PHLDB2: variants seen among roughly 807,000 people sequenced by gnomAD.
PHLDB2 encodes the protein pleckstrin homology like domain family B member 2.
PHLDB2 carries 71 observed loss-of-function variants against 123.6 expected under a neutral mutation model. That is an observed-to-expected ratio of 0.57 (90% CI 0.47 to 0.70). The LOEUF is 0.70. Among genes scored for constraint, PHLDB2 ranks in the 30% least tolerant of loss-of-function variants. The pLI, the probability that PHLDB2 is intolerant of heterozygous loss-of-function variation, is 0.00. For synonymous variants in PHLDB2, 547 were observed against 541.6 expected (o/e 1.01, Z -0.14); for missense variants, 1,446 against 1,519.5 (o/e 0.95, Z 0.80).
At position 111,910,711 on chromosome 3, in the gene PHLDB2, A is replaced by G. The variant is rs533891826; in HGVS notation, c.1336-2608A>G. Among the ~76,000 whole-genome samples the G allele has an allele frequency of 3.9e-5, 6 of 152,364 alleles. No individual in the cohort carries two copies. In the East Asian group the frequency reaches 9.6e-4, roughly 24 times the overall value. ...AAGGAAGAAGACTCCAGAGTGCAGA[A>G]GGCTGAAGGGAGAATTATCTTATGA... On this transcript the variant is annotated intron_variant, in intron 2 of 17. Transcript: ENST00000431670.
At chr3:111,798,696 A>G (rs2061262303) in intron 1 of PHLDB2, among the ~76,000 whole-genome samples, 4 of 151,538 alleles carry the variant, frequency 2.6e-5, no homozygotes, top group Admixed American at 2.6e-4. Context: ...ATAAAATAAA[A>G]TAAAATAAAA....
In PHLDB2 at chr3:111,885,032, T is replaced by C. The variant is rs773304892; in HGVS notation, c.955T>C (p.Ser319Pro). ...SGALPYKTSA[S>P]EGNPYVSSTL... ...GGCTTTACCCTATAAAACCTCTGCT[T>C]CTGAAGGCAATCCTTATGTAAGTTC... is the stretch of plus-strand genomic sequence containing the variant. Residue 319 changes from serine (S) to proline (P), a missense_variant, in exon 2 of 18, where the codon TCT becomes CCT. Ser to Pro is a moderately conservative substitution (Grantham distance 74). Around this residue, in one of 3 missense-constraint regions of PHLDB2, gnomAD observed 832 missense variants for 831.9 expected, o/e 1.00. Coordinates refer to ENST00000431670, the MANE Select transcript of PHLDB2 (RefSeq NM_001134438.2). 1 of 1,614,178 alleles carries C rather than the reference T, an allele frequency of 6.2e-7. No individual in the cohort carries two copies. The highest frequency in any genetic ancestry group is 1.1e-5 in the South Asian group (1 of 91,082).
intron 1 of PHLDB2, among the ~76,000 whole-genome samples, chr3:111,835,605 C>G (rs2063359765): frequency 6.6e-6 from 1 of 152,180 alleles, no homozygotes; most frequent in East Asian, 1.9e-4. Context: ...AGTATTTATG[C>G]TGCTCCAACT....
At chr3:111,919,621 C>T (rs2068375734) in intron 4 of PHLDB2, among the ~76,000 whole-genome samples, 1 of 152,200 alleles carries the variant, frequency 6.6e-6, no homozygotes, top group Non-Finnish European at 1.5e-5. Context: ...ATGAAATTCA[C>T]ACACGGATCA....
intron 5 of PHLDB2, among the ~76,000 whole-genome samples, chr3:111,930,498 G>T (rs2069080334): frequency 6.6e-6 from 1 of 152,070 alleles, no homozygotes; most frequent in African/African-American, 2.4e-5. Flanking sequence ...TAGAACTCTT[G>T]GGATAAAATT....
At chr3:111,952,000 G>A (rs894835951) in intron 10 of PHLDB2, among the ~76,000 whole-genome samples, 6 of 152,210 alleles carry the variant, frequency 3.9e-5, no homozygotes, top group Non-Finnish European at 8.8e-5. Flanking sequence ...TTAAATATGA[G>A]AGATTACTGT....
At chr3:111,849,617 T>C (rs1351220844) in intron 2 of PHLDB2, among the ~76,000 whole-genome samples, 1 of 152,264 alleles carries the variant, frequency 6.6e-6, no homozygotes, top group Non-Finnish European at 1.5e-5. Flanking sequence ...TGAATTTTGA[T>C]AATCTTCTTT....
intron 1 of PHLDB2, among the ~76,000 whole-genome samples, chr3:111,808,563 C>T (rs1276248261): frequency 1.3e-5 from 2 of 151,152 alleles, no homozygotes; most frequent in Admixed American, 6.6e-5. Context: ...GGGTATACTG[C>T]GTGGTGCTGG....
chr3:111,749,138 A>G lies in PHLDB2; in HGVS notation c.-49+16435A>G, dbSNP rs547125985. Among the ~76,000 whole-genome samples, 12 of 152,146 alleles carry G rather than the reference A, an allele frequency of 7.9e-5. No individual in the cohort carries two copies. In the East Asian group the frequency reaches 2.1e-3, roughly 27 times the overall value. On this transcript the variant is annotated intron_variant, in intron 1 of 17. Transcript: ENST00000393923. Reference sequence around the variant, plus strand: ...AATAAGAAGAATAAAAATAAAAAATAAAACAGAGAACCATTTTGAGGATAA... The same window carrying G: ...AATAAGAAGAATAAAAATAAAAAATGAAACAGAGAACCATTTTGAGGATAA...
At position 111,910,402 on chromosome 3, in the gene PHLDB2, C is replaced by T. The variant is rs192572798; in HGVS notation, c.1336-2917C>T. Among the ~76,000 whole-genome samples, 99 of 152,252 alleles carry T rather than the reference C, an allele frequency of 6.5e-4. 1 individual carries two copies. In the Middle Eastern group the frequency reaches 0.024, roughly 37 times the overall value. On this transcript the variant is annotated intron_variant, in intron 2 of 17. Coordinates refer to ENST00000431670, the MANE Select transcript of PHLDB2 (RefSeq NM_001134438.2). Reference sequence around the variant, plus strand: ...TACTTGGACTTTTCAAGAGAATGAACACTAGATTCCTAGTTTGGAAAGGTG... The same window carrying T: ...TACTTGGACTTTTCAAGAGAATGAATACTAGATTCCTAGTTTGGAAAGGTG...
intron 1 of PHLDB2, among the ~76,000 whole-genome samples, chr3:111,757,129 G>C (rs756294231): frequency 6.6e-6 from 1 of 152,098 alleles, no homozygotes; most frequent in Non-Finnish European, 1.5e-5. Flanking sequence ...TAAGTGTCTT[G>C]GAGTTGCTCT....
intron 1 of PHLDB2, among the ~76,000 whole-genome samples, chr3:111,806,220 A>T (rs1033341061): frequency 6.6e-6 from 1 of 152,198 alleles, no homozygotes; most frequent in Admixed American, 6.5e-5. Flanking sequence ...GTGTACAATT[A>T]TAGAATTTTT....
intron 6 of PHLDB2, among the ~76,000 whole-genome samples, chr3:111,937,180 C>T (rs2069547667): frequency 1.3e-5 from 2 of 152,184 alleles, no homozygotes; most frequent in Admixed American, 6.5e-5. Context: ...GCTAATTACT[C>T]AGTAGCTAAT....
intron 1 of PHLDB2, among the ~76,000 whole-genome samples, chr3:111,736,079 A>C (rs1218728098): frequency 6.6e-6 from 1 of 152,172 alleles, no homozygotes; most frequent in Non-Finnish European, 1.5e-5. Context: ...TGTAAGCATA[A>C]AACTCAGTAT....
At chr3:111,733,233 T>C (rs1244394137) in intron 1 of PHLDB2, among the ~76,000 whole-genome samples, 1 of 152,132 alleles carries the variant, frequency 6.6e-6, no homozygotes, top group African/African-American at 2.4e-5. Context: ...GAGTTAAAAG[T>C]CCTGAAATTA....
intron 10 of PHLDB2, among the ~76,000 whole-genome samples, chr3:111,951,329 A>G (rs1033857547): frequency 6.6e-6 from 1 of 152,200 alleles, no homozygotes; most frequent in Non-Finnish European, 1.5e-5. Flanking sequence ...TACCTACCTC[A>G]CAGGATTATT....
At chr3:111,879,685 A>C (rs889291323) in intron 1 of PHLDB2, among the ~76,000 whole-genome samples, 1 of 151,918 alleles carries the variant, frequency 6.6e-6, no homozygotes, top group Non-Finnish European at 1.5e-5. Context: ...TTTCTCTAAA[A>C]ATGTTTTTTT....
At chr3:111,767,766 C>T (rs2060107945) in intron 1 of PHLDB2, among the ~76,000 whole-genome samples, 1 of 152,132 alleles carries the variant, frequency 6.6e-6, no homozygotes, top group Non-Finnish European at 1.5e-5. Context: ...GTAGGAAGCC[C>T]ATTGGTTTTA....
intron 2 of PHLDB2, among the ~76,000 whole-genome samples, chr3:111,908,881 C>T (rs1416279154): frequency 6.6e-6 from 1 of 152,116 alleles, no homozygotes; most frequent in Non-Finnish European, 1.5e-5. Flanking sequence ...CTGTCAGCAC[C>T]AGCTTTTCTC....
Sources: allele counts gnomAD v4.1 joint callset (sites outside exome capture counted in the v4.1 genomes callset), GRCh38; gene constraint gnomAD v4.1.1; regional missense constraint gnomAD v4.1.1; transcripts MANE v1.5; gene names NCBI Gene and HGNC (gene_info 2026-07-23, HGNC 2026-07-21).